Variants in SUMF1 observed in about 807,000 individuals in gnomAD.
SUMF1 encodes formylglycine-generating enzyme.
Under a neutral mutation model 47.6 loss-of-function variants are expected in SUMF1, and 48 were observed. That is an observed-to-expected ratio of 1.01 (90% CI 0.80 to 1.28). The LOEUF (loss-of-function observed/expected upper bound fraction) is 1.28, where lower values mean the gene tolerates loss of function less well. Among genes scored for constraint, SUMF1 ranks in the 50% most tolerant of loss-of-function variants. The pLI, the probability that SUMF1 is intolerant of heterozygous loss-of-function variation, is 0.00. For missense variants in SUMF1, 571 were observed against 485.4 expected (o/e 1.18, Z -1.66); for synonymous variants, 230 against 192.1 (o/e 1.20, Z -1.63).
intron 7 of SUMF1, among the ~76,000 whole-genome samples, chr3:4,407,361 G>T (rs553545420): frequency 6.6e-6 from 1 of 152,304 alleles, no homozygotes; most frequent in African/African-American, 2.4e-5. Context: ...AAAATTATTT[G>T]CCATTATGAG....
At chr3:4,053,142 C>A (rs1466565722) in intron 9 of SUMF1, among the ~76,000 whole-genome samples, 1 of 152,042 alleles carries the variant, frequency 6.6e-6, no homozygotes, top group Non-Finnish European at 1.5e-5. Flanking sequence ...CATTGCAGGG[C>A]TATTAATGGG....
intron 7 of SUMF1, among the ~76,000 whole-genome samples, chr3:4,405,118 G>A (rs1057076150): frequency 4.6e-5 from 7 of 152,196 alleles, no homozygotes; most frequent in Non-Finnish European, 8.8e-5. Context: ...ATCAAGTGTG[G>A]AGTTTAGAGG....
intron 8 of SUMF1, among the ~76,000 whole-genome samples, chr3:4,363,837 T>C (rs1699855758): frequency 7.4e-6 from 1 of 135,814 alleles, no homozygotes; most frequent in South Asian, 3.0e-4. Flanking sequence ...TTTTGCCCAT[T>C]CAGTGTGATA....
At chr3:4,456,454 GTT>G (rs775343012) in intron 1 of SUMF1, among the ~76,000 whole-genome samples, 2 of 134,092 alleles carry the variant, frequency 1.5e-5, no homozygotes, top group Non-Finnish European at 1.6e-5. Context: ...GTTTTTCTTT[GTT>G]TTTTTTTTTT....
At chr3:4,119,332 C>T (rs73131121) in intron 8 of SUMF1, among the ~76,000 whole-genome samples, 1,551 of 152,254 alleles carry the variant, frequency 0.01, 29 homozygotes, top group African/African-American at 0.035. Flanking sequence ...AAGCTTTCAA[C>T]AGCTCATTAT....
chr3:4,067,799 A>G (rs2125032456), intron 9 of SUMF1, among the ~76,000 whole-genome samples: 1 of 152,328 alleles, frequency 6.6e-6, no homozygotes, highest in South Asian at 2.1e-4. Context: ...TCCAAACTCA[A>G]CCTGAAACCA....
intron 8 of SUMF1, among the ~76,000 whole-genome samples, chr3:4,363,337 G>T (rs17040521): frequency 0.1 from 15,296 of 152,130 alleles, 1,693 homozygotes; most frequent in South Asian, 0.26. Flanking sequence ...AAGGCTGTGG[G>T]ACAACATTGC....
At chr3:4,129,754 C>T (rs994224910) in intron 8 of SUMF1, among the ~76,000 whole-genome samples, 1 of 152,084 alleles carries the variant, frequency 6.6e-6, no homozygotes, top group African/African-American at 2.4e-5. Flanking sequence ...CCAGGGGAAA[C>T]AAAACGTCAT....
At chr3:4,150,484 C>A (rs1694293766) in intron 8 of SUMF1, among the ~76,000 whole-genome samples, 1 of 150,862 alleles carries the variant, frequency 6.6e-6, no homozygotes, top group Non-Finnish European at 1.5e-5. Context: ...ATTGCTTGAA[C>A]CGGGGAGGCG....
chr3:4,040,997 A>C (rs1400011220), intron 9 of SUMF1, among the ~76,000 whole-genome samples: 2 of 152,160 alleles, frequency 1.3e-5, no homozygotes, highest in Non-Finnish European at 2.9e-5. Flanking sequence ...TTGGGGTCTG[A>C]AGTTTATGGC....
intron 8 of SUMF1, among the ~76,000 whole-genome samples, chr3:4,104,691 T>C (rs2125064515): frequency 6.6e-6 from 1 of 152,002 alleles, no homozygotes; most frequent in East Asian, 1.9e-4. Flanking sequence ...TCTCTCTCTC[T>C]TTCTGTCTCT....
intron 8 of SUMF1, among the ~76,000 whole-genome samples, chr3:4,348,206 G>C (rs1575117425): frequency 6.6e-6 from 1 of 152,140 alleles, no homozygotes; most frequent in South Asian, 2.1e-4. Context: ...CCAAAAAAGA[G>C]CCTGGATAGC....
intron 8 of SUMF1, among the ~76,000 whole-genome samples, chr3:4,228,458 C>G (rs768286269): frequency 5.3e-5 from 8 of 152,024 alleles, no homozygotes; most frequent in Non-Finnish European, 8.8e-5. Context: ...CACTGCTGTT[C>G]CAATAACTAA....
At chr3:4,293,833 A>G (rs1345396219) in intron 8 of SUMF1, among the ~76,000 whole-genome samples, 1 of 152,218 alleles carries the variant, frequency 6.6e-6, no homozygotes, top group Non-Finnish European at 1.5e-5. Flanking sequence ...AAATCACTAT[A>G]CTTTCCAATG....
At chr3:4,120,567 AT>A (rs374721212) in intron 8 of SUMF1, among the ~76,000 whole-genome samples, 34 of 152,228 alleles carry the variant, frequency 2.2e-4, no homozygotes, top group African/African-American at 7.9e-4. Flanking sequence ...TGGAGTCACA[AT>A]TACACCTATG....
chr3:4,315,207 C>T (rs1214806396), intron 8 of SUMF1, among the ~76,000 whole-genome samples: 1 of 152,194 alleles, frequency 6.6e-6, no homozygotes, highest in African/African-American at 2.4e-5. Flanking sequence ...GCCTCTGAAG[C>T]AGTCCTGCTT....
intron 8 of SUMF1, among the ~76,000 whole-genome samples, chr3:4,241,814 C>A (rs946087093): frequency 1.3e-5 from 2 of 152,088 alleles, no homozygotes; most frequent in East Asian, 3.9e-4. Context: ...TTCCGGCCCA[C>A]AGTGGAGTTC....
intron 8 of SUMF1, among the ~76,000 whole-genome samples, chr3:4,236,712 G>C (rs1178069658): frequency 1.3e-5 from 2 of 152,124 alleles, no homozygotes; most frequent in Non-Finnish European, 2.9e-5. Context: ...CTGTGCTAGA[G>C]CAGTATGTTT....
At chr3:4,419,320 A>G (rs964237303) in intron 4 of SUMF1, among the ~76,000 whole-genome samples, 1 of 152,180 alleles carries the variant, frequency 6.6e-6, no homozygotes, top group African/African-American at 2.4e-5. Context: ...TCAAGGGGCT[A>G]TATCCCTAAA....
Sources: gnomAD v4.1 joint callset for allele counts (sites outside exome capture counted in the v4.1 genomes callset) on GRCh38, gnomAD v4.1.1 for gene constraint, MANE v1.5 for transcripts, NCBI Gene and HGNC (gene_info 2026-07-23, HGNC 2026-07-21) for gene names.